ZNF496: variants seen among roughly 807,000 people sequenced by gnomAD.
The protein encoded by ZNF496 is zinc finger protein 496.
In ZNF496, 11 loss-of-function variants were observed where a neutral mutation model predicts 58.9. The observed-to-expected ratio is 0.19, with a 90% CI of 0.12 to 0.31. The LOEUF is 0.31. Among genes scored for constraint, ZNF496 ranks in the 10% least tolerant of loss-of-function variants. The pLI, the probability that ZNF496 is intolerant of heterozygous loss-of-function variation, is 1.00. For missense variants in ZNF496, 660 were observed against 783.0 expected, an observed-to-expected ratio of 0.84 and a Z score of 1.88; for synonymous variants, 338 against 318.2, an observed-to-expected ratio of 1.06 and a Z score of -0.66.
chr1:247,303,201 G>A (rs527367074), intron 9 of ZNF496, among the ~76,000 whole-genome samples: 1 of 152,196 alleles, frequency 6.6e-6, no homozygotes, highest in African/African-American at 2.4e-5. Flanking sequence ...TTCAACAGAG[G>A]GAAGGACCCT....
rs1436220690 is a variant in ZNF496 at position 247,309,933 on chromosome 1, A to T, written c.785-127T>A. ...ATGGCACCATCAGGGGCGAGAAGTG[A>T]AAAGGCCAGAGCTGGCAGTGCAGGG... On this transcript the variant is annotated intron_variant, in intron 7 of 9. Transcript: ENST00000682384. The surrounding 1 kb of genome is among the most constrained non-coding windows in gnomAD (Gnocchi z 4.3). 1 of 1,353,768 alleles carries T rather than the reference A, an allele frequency of 7.4e-7. No homozygotes were observed. Among genetic ancestry groups the T allele is most frequent in the Non-Finnish European group, 1.0e-6 (1 of 1,004,046 alleles). The allele number at this position is 1,353,768 out of a possible 1,614,324, so 83.9% of individuals were successfully genotyped here. A position where few individuals can be genotyped will look rare whatever the true frequency, so the allele number is the denominator to read the frequency against.
At chr1:247,303,680 T>C (rs2103016391) in intron 9 of ZNF496, among the ~76,000 whole-genome samples, 1 of 152,288 alleles carries the variant, frequency 6.6e-6, no homozygotes, top group African/African-American at 2.4e-5. Flanking sequence ...CGAAGCAAAG[T>C]GTCAAAGGCA....
At chr1:247,323,040 G>A (rs1572090729) in intron 6 of ZNF496, 114 bp downstream of exon 6, 1 of 882,880 alleles carries the variant, frequency 1.1e-6, no homozygotes, top group African/African-American at 1.7e-5. Flanking sequence ...TTCTGGGCTG[G>A]GACTGAACAT....
intron 1 of ZNF496, 30 bp downstream of exon 1, chr1:247,331,760 G>A (rs1660336728): frequency 6.7e-6 from 1 of 149,560 alleles, no homozygotes; most frequent in South Asian, 2.1e-4. Flanking sequence ...GGCGGGGCGG[G>A]GCCGGCCGCG....
chr1:247,320,749 C>T (rs977470584), intron 6 of ZNF496, among the ~76,000 whole-genome samples: 4 of 152,142 alleles, frequency 2.6e-5, no homozygotes, highest in Admixed American at 6.5e-5. Context: ...CAAAACTTCA[C>T]GTGTACCATG....
intron 6 of ZNF496, among the ~76,000 whole-genome samples, chr1:247,318,041 A>G (rs968896313): frequency 2.0e-5 from 3 of 152,256 alleles, no homozygotes; most frequent in African/African-American, 7.2e-5. Context: ...AACTGAAGAT[A>G]CAGAAAATAA....
At position 247,329,097 on chromosome 1, in the gene ZNF496, ACTC is replaced by A. The variant is rs1232993031; in HGVS notation, c.390+89_390+91del. 1 of 1,581,178 alleles carries A rather than the reference ACTC, an allele frequency of 6.3e-7. No individual in the cohort carries two copies. Among genetic ancestry groups the A allele is most frequent in the Non-Finnish European group, 8.6e-7 (1 of 1,157,870 alleles). ...ACCAAAGTAAATGGCTCTCGATGGA[ACTC>A]CTCATTCCCCAGCCAGCACATGCAT... is the stretch of plus-strand genomic sequence containing the variant. On this transcript the variant is annotated intron_variant, in intron 4 of 9. Coordinates refer to ENST00000682384, the MANE Select transcript of ZNF496 (RefSeq NM_032752.3). The surrounding 1 kb of genome is among the most constrained non-coding windows in gnomAD (Gnocchi z 5.5).
In ZNF496 at chr1:247,300,349, G is replaced by T; in HGVS notation, c.*170C>A. 1.6e-6 allele frequency: 1 copy of T among 612,030 alleles called. No homozygotes were observed. Among genetic ancestry groups the T allele is most frequent in the Non-Finnish European group, 2.6e-6 (1 of 382,696 alleles). The allele number at this position is 612,030 out of a possible 1,614,324, so 37.9% of individuals were successfully genotyped here. A position where few individuals can be genotyped will look rare whatever the true frequency, so the allele number is the denominator to read the frequency against. ...TTGGCCACTCTTTCATTACCTGGGG[G>T]AGGGAGAGTGCTCCCATGGCACCAC... is the stretch of plus-strand genomic sequence containing the variant. On this transcript the variant is annotated 3_prime_UTR_variant, in exon 10 of 10. Coordinates refer to ENST00000682384, the MANE Select transcript of ZNF496 (RefSeq NM_032752.3). This position sits in a 1 kb window ranked among gnomAD's most constrained non-coding sequence, Gnocchi z 5.7.
chr1:247,326,807 A>T (rs1189550272), intron 5 of ZNF496, among the ~76,000 whole-genome samples: 1 of 152,196 alleles, frequency 6.6e-6, no homozygotes, highest in Non-Finnish European at 1.5e-5. Flanking sequence ...TACTTATAAG[A>T]AGAGGAGATT....
chr1:247,308,652 G>T lies in ZNF496; in HGVS notation c.893-64C>A. 1 of 1,480,218 alleles carries T rather than the reference G, an allele frequency of 6.8e-7. No individual in the cohort carries two copies. Among genetic ancestry groups the T allele is most frequent in the Non-Finnish European group, 9.4e-7 (1 of 1,062,140 alleles). The allele number at this position is 1,480,218 out of a possible 1,614,324, so 91.7% of individuals were successfully genotyped here. ...CACCTACAGCACTACCTGGGAGGGT[G>T]CTATCCGAATAGATGCCAGGCTACG... On this transcript the variant is annotated intron_variant, in intron 8 of 9. Transcript: ENST00000682384. The surrounding 1 kb of genome is among the most constrained non-coding windows in gnomAD (Gnocchi z 4.5).
intron 9 of ZNF496, among the ~76,000 whole-genome samples, chr1:247,302,146 C>T (rs1472379398): frequency 6.6e-6 from 1 of 152,154 alleles, no homozygotes; most frequent in Non-Finnish European, 1.5e-5. Context: ...AAATGTAGAA[C>T]TCAAATCTAG....
Position 247,323,245 on chromosome 1 carries a change from A to G in ZNF496, c.575-15T>C. The G allele has an allele frequency of 2.5e-6, 4 of 1,612,098 alleles. No homozygotes were observed. Among genetic ancestry groups the G allele is most frequent in the Non-Finnish European group, 3.4e-6 (4 of 1,178,320 alleles). On this transcript the variant is annotated splice_polypyrimidine_tract_variant and intron_variant, in intron 5 of 9. Transcript: ENST00000682384. ...ATCTTGCAGAACTGAAAGAGATCAG[A>G]AAATGGTGTCCTAAAGTGGGCCAGG...
At position 247,300,828 on chromosome 1, in the gene ZNF496, G is replaced by A. The variant is rs767414929; in HGVS notation, c.1455C>T (p.His485=). The change falls in exon 10 of 10, where the codon CAC becomes CAT. Residue 485 remains histidine (H), a synonymous_variant. Coordinates refer to ENST00000682384, the MANE Select transcript of ZNF496 (RefSeq NM_032752.3). This position sits in a 1 kb window ranked among gnomAD's most constrained non-coding sequence, Gnocchi z 5.7. ...NSHLLSHRRI[H]LQPDRLQPVE... ...CCGGCTGGAGTCTGTCCGGCTGCAG[G>A]TGTATCCGCCGGTGGGAGAGCAGGT... 5.6e-6 allele frequency: 9 copies of A among 1,608,934 alleles called. No individual in the cohort carries two copies. The East Asian group carries it at 6.7e-5, about 12-fold the overall frequency.
At chr1:247,320,636 T>C (rs1342029286) in intron 6 of ZNF496, among the ~76,000 whole-genome samples, 1 of 152,212 alleles carries the variant, frequency 6.6e-6, no homozygotes, top group Non-Finnish European at 1.5e-5. Context: ...TATTTTACTA[T>C]TGAGGGTTTA....
At chr1:247,321,176 G>A (rs11579352) in intron 6 of ZNF496, among the ~76,000 whole-genome samples, 33,791 of 151,828 alleles carry the variant, frequency 0.22, 3,971 homozygotes, top group Middle Eastern at 0.34. Context: ...ACTCCATCTC[G>A]GGGGAAAAAA....
At position 247,323,135 on chromosome 1, in the gene ZNF496, T is replaced by A; in HGVS notation, c.651+19A>T. The A allele has an allele frequency of 6.2e-7, 1 of 1,608,420 alleles. No individual in the cohort carries two copies. Among genetic ancestry groups the A allele is most frequent in the Non-Finnish European group, 8.5e-7 (1 of 1,175,232 alleles). On this transcript the variant is annotated intron_variant, in intron 6 of 9. Transcript: ENST00000682384. ...AGGCAAACAGGGGATTTTCAAGGAC[T>A]CCTGTAGAAACCACTCACCGGGGGT...
chr1:247,331,110 C>T (rs560553702), intron 2 of ZNF496, among the ~76,000 whole-genome samples: 2 of 152,040 alleles, frequency 1.3e-5, no homozygotes, highest in South Asian at 4.2e-4. Context: ...CTCAGGCCCG[C>T]CCCCCCGAGC....
At chr1:247,331,254 A>C (rs966104168) in intron 2 of ZNF496, among the ~76,000 whole-genome samples, 178 bp downstream of exon 2, 1 of 152,330 alleles carries the variant, frequency 6.6e-6, no homozygotes, top group South Asian at 2.1e-4. Context: ...AGTGAGGCGG[A>C]GGAGGGCCCC....
At chr1:247,326,361 A>T (rs1158718077) in intron 5 of ZNF496, among the ~76,000 whole-genome samples, 1 of 152,104 alleles carries the variant, frequency 6.6e-6, no homozygotes, top group Non-Finnish European at 1.5e-5. Context: ...CCTGATTGCT[A>T]ACTCTCATCA....
Sources: allele counts gnomAD v4.1 joint callset (sites outside exome capture counted in the v4.1 genomes callset), GRCh38; gene constraint gnomAD v4.1.1; non-coding constraint Gnocchi (gnomAD v3.1); transcripts MANE v1.5; gene names NCBI Gene and HGNC (gene_info 2026-07-23, HGNC 2026-07-21).